Variants in ATP9B observed in about 807,000 individuals in gnomAD.
ATP9B encodes probable phospholipid-transporting ATPase IIB.
In ATP9B, 110 loss-of-function variants were observed where a neutral mutation model predicts 146.1. The ratio of observed to expected loss-of-function variants is 0.75; its 90% CI spans 0.65 to 0.88. The LOEUF is 0.88. ATP9B is among the 40% of genes least tolerant of loss of function. The pLI is 0.00. For synonymous variants in ATP9B, 604 were observed against 569.7 expected (o/e 1.06, Z -0.86); for missense variants, 1,499 against 1,496.4 (o/e 1.00, Z -0.03).
intron 7 of ATP9B, 131 bp from the exon 8 acceptor site, chr18:79,176,682 C>G: frequency 1.5e-6 from 1 of 684,940 alleles, no homozygotes; most frequent in Non-Finnish European, 2.4e-6. Context: ...GAGTTTTGTT[C>G]CTGGGAATAT....
chr18:79,305,090 C>T (rs1197437949), intron 14 of ATP9B, among the ~76,000 whole-genome samples: 2 of 152,220 alleles, frequency 1.3e-5, no homozygotes, highest in African/African-American at 2.4e-5. Context: ...CCCAGCGCTG[C>T]ATGGCACTGC....
chr18:79,155,317 T>C (rs1444481263), intron 7 of ATP9B, among the ~76,000 whole-genome samples: 2 of 152,220 alleles, frequency 1.3e-5, no homozygotes, highest in Non-Finnish European at 2.9e-5. Context: ...AAAAATGCTG[T>C]TTATATGACC....
At chr18:79,204,783 T>G (rs537073722) in intron 9 of ATP9B, among the ~76,000 whole-genome samples, 1 of 152,356 alleles carries the variant, frequency 6.6e-6, no homozygotes, top group African/African-American at 2.4e-5. Flanking sequence ...TTAAGACCAT[T>G]GACATCACTG....
chr18:79,277,457 A>C (rs1368166308), intron 13 of ATP9B, among the ~76,000 whole-genome samples: 1 of 152,096 alleles, frequency 6.6e-6, no homozygotes, highest in Non-Finnish European at 1.5e-5. Context: ...CTGTGTTTTT[A>C]ATTTTCTACA....
intron 26 of ATP9B, among the ~76,000 whole-genome samples, chr18:79,371,191 G>A (rs2097067313): frequency 6.6e-6 from 1 of 152,068 alleles, no homozygotes; most frequent in Admixed American, 6.6e-5. Context: ...GGCCAACATG[G>A]TGAAACCCCC....
intron 2 of ATP9B, among the ~76,000 whole-genome samples, chr18:79,106,904 C>G (rs140392099): frequency 7.2e-5 from 11 of 152,126 alleles, no homozygotes; most frequent in Non-Finnish European, 1.2e-4. Context: ...AGTGGTCTTG[C>G]GTTTATAGTG....
intron 7 of ATP9B, among the ~76,000 whole-genome samples, chr18:79,169,181 G>A (rs375205144): frequency 5.3e-5 from 8 of 152,068 alleles, no homozygotes; most frequent in Non-Finnish European, 1.2e-4. Flanking sequence ...GGGACTTTCC[G>A]TATCTTCCAA....
At chr18:79,157,086 C>T (rs2094795077) in intron 7 of ATP9B, among the ~76,000 whole-genome samples, 2 of 151,914 alleles carry the variant, frequency 1.3e-5, no homozygotes, top group South Asian at 2.1e-4. Context: ...TTGGACTGGG[C>T]GTGGTGGCTC....
At chr18:79,375,327 C>A in intron 28 of ATP9B, 67 bp from the exon 29 acceptor site, 1 of 1,377,040 alleles carries the variant, frequency 7.3e-7, no homozygotes, top group Non-Finnish European at 1.0e-6. Flanking sequence ...CTTTTGCTAA[C>A]CCCTTGAAAT....
chr18:79,308,084 C>T (rs983939864), intron 15 of ATP9B, among the ~76,000 whole-genome samples: 5 of 152,034 alleles, frequency 3.3e-5, no homozygotes, highest in African/African-American at 9.7e-5. Context: ...TACAAAAGAG[C>T]GCCATCATCC....
intron 1 of ATP9B, among the ~76,000 whole-genome samples, chr18:79,071,560 T>G (rs941845243): frequency 2.0e-5 from 3 of 151,596 alleles, no homozygotes; most frequent in Non-Finnish European, 2.9e-5. Flanking sequence ...TAAAAAAAAT[T>G]TTTTTTGAAG....
chr18:79,172,868 A>G (rs528052786), intron 7 of ATP9B, among the ~76,000 whole-genome samples: 3 of 152,374 alleles, frequency 2.0e-5, no homozygotes, highest in East Asian at 3.9e-4. Flanking sequence ...TTTTGTGGAC[A>G]TAAGTTTTTA....
chr18:79,079,850 C>T (rs1219712154), intron 1 of ATP9B, among the ~76,000 whole-genome samples: 1 of 152,184 alleles, frequency 6.6e-6, no homozygotes, highest in Non-Finnish European at 1.5e-5. Context: ...GGTCCAGTTT[C>T]AGTTTTCTGC....
Position 79,337,262 on chromosome 18 carries a change from T to TC in ATP9B, c.2113-12dup. On this transcript the variant is annotated splice_polypyrimidine_tract_variant and intron_variant, in intron 18 of 29. Transcript: ENST00000426216. ...ACGTACACGTGTGCACACAGGCGCC[T>TC]CCCCCTCTGTCCCCAGAGCCGATAC... 6.2e-7 allele frequency: 1 copy of TC among 1,612,974 alleles called. No homozygotes were observed. Among genetic ancestry groups the TC allele is most frequent in the Non-Finnish European group, 8.5e-7 (1 of 1,179,750 alleles).
intron 1 of ATP9B, among the ~76,000 whole-genome samples, chr18:79,072,090 GTGT>G (rs2071921242): frequency 6.7e-6 from 1 of 150,104 alleles, no homozygotes; most frequent in Non-Finnish European, 1.5e-5. Context: ...TCTTTTCTCT[GTGT>G]TGTTCAGATT....
chr18:79,371,343 G>A (rs2097068371), intron 26 of ATP9B, among the ~76,000 whole-genome samples: 2 of 130,992 alleles, frequency 1.5e-5, no homozygotes, highest in South Asian at 5.3e-4. Flanking sequence ...TTGCACTCCA[G>A]CCTGGTGAAA....
At chr18:79,310,253 C>T (rs1386756374) in intron 15 of ATP9B, among the ~76,000 whole-genome samples, 1 of 152,260 alleles carries the variant, frequency 6.6e-6, no homozygotes, top group Admixed American at 6.5e-5. Flanking sequence ...TGCGCCTCAT[C>T]ATGCACAGTA....
chr18:79,345,574 T>G lies in ATP9B; in HGVS notation c.2617+2T>G. The G allele has an allele frequency of 6.2e-7, 1 of 1,606,628 alleles. No individual in the cohort carries two copies. Among genetic ancestry groups the G allele is most frequent in the Non-Finnish European group, 8.5e-7 (1 of 1,179,308 alleles). ...CAGGGAGACGCACCTGCGCCATCGG[T>G]GAGAGCCGCCCACCCTGCTCACAGG... On this transcript the variant is annotated splice_donor_variant, in intron 22 of 29. Coordinates refer to ENST00000426216, the MANE Select transcript of ATP9B (RefSeq NM_198531.5). LOFTEE classifies it high-confidence loss of function.
chr18:79,251,249 G>C (rs2096020269), intron 11 of ATP9B, among the ~76,000 whole-genome samples: 2 of 152,358 alleles, frequency 1.3e-5, no homozygotes, highest in Middle Eastern at 3.4e-3. Context: ...CATCCCGTCT[G>C]TGTTGGTCAT....
Sources: allele counts gnomAD v4.1 joint callset (sites outside exome capture counted in the v4.1 genomes callset), GRCh38; gene constraint gnomAD v4.1.1; transcripts MANE v1.5; gene names NCBI Gene and HGNC (gene_info 2026-07-23, HGNC 2026-07-21).